C1orf35: variants seen among roughly 807,000 people sequenced by gnomAD.
C1orf35 encodes multiple myeloma tumor-associated protein 2.
Under a neutral mutation model 30.9 loss-of-function variants are expected in C1orf35, and 36 were observed. The ratio of observed to expected loss-of-function variants is 1.16; its 90% CI spans 0.89 to 1.54. The LOEUF (loss-of-function observed/expected upper bound fraction) is 1.54. C1orf35 is among the 40% of genes most tolerant of loss of function. C1orf35 has a pLI of 0.00. For synonymous variants in C1orf35, 179 were observed against 148.2 expected, an observed-to-expected ratio of 1.21 and a Z score of -1.51; for missense variants, 396 against 358.7, an observed-to-expected ratio of 1.10 and a Z score of -0.84.
At chr1:228,102,608 C>G (rs947959471) in intron 3 of C1orf35, 35 bp downstream of exon 3, 4 of 1,587,372 alleles carry the variant, frequency 2.5e-6, no homozygotes, top group Non-Finnish European at 3.4e-6. Flanking sequence ...CCCACACCCA[C>G]GGCCCTCCAC....
Position 228,101,551 on chromosome 1 carries a change from G to A in C1orf35, c.534-78C>T, listed in dbSNP as rs139802675. 1.4e-3 allele frequency: 2,221 copies of A among 1,578,174 alleles called. 5 individuals are homozygous for A. In the Middle Eastern group the frequency reaches 0.014, roughly 10 times the overall value. The stretch of plus-strand genomic sequence containing the variant: ...AGTGAACACAAGCAGGCCCCATCCA[G>A]ATGAAGCCACCACCCACAAGTGCGT... On this transcript the variant is annotated intron_variant, in intron 6 of 7. Transcript: ENST00000272139.
At position 228,101,062 on chromosome 1, in the gene C1orf35, GAGGC is replaced by G; in HGVS notation, c.*65_*68del. 6.3e-7 allele frequency: 1 copy of G among 1,594,260 alleles called. No homozygotes were observed. Among genetic ancestry groups the G allele is most frequent in the South Asian group, 1.1e-5 (1 of 90,492 alleles). On this transcript the variant is annotated 3_prime_UTR_variant, in exon 8 of 8. Transcript: ENST00000272139. The stretch of plus-strand genomic sequence containing the variant: ...CTTCACCCACACCCAAGGAGCTTCC[GAGGC>G]AGGAGGCAAGCAAGGTGAAGGGAGG...
chr1:228,102,564 C>A lies in C1orf35; in HGVS notation c.292-4G>T. 6.4e-7 allele frequency: 1 copy of A among 1,566,078 alleles called. No individual in the cohort carries two copies. The highest frequency in any genetic ancestry group is 8.6e-7 in the Non-Finnish European group (1 of 1,158,932). On this transcript the variant is annotated splice_region_variant and splice_polypyrimidine_tract_variant and intron_variant, in intron 3 of 7. Transcript: ENST00000272139. ...GCTTGCAGACCTCCGCGAAGTCCTG[C>A]AGGTGCGAGAGCACAGGGAGCGCTC...
intron 5 of C1orf35, 52 bp from the exon 6 acceptor site, chr1:228,102,217 C>T: frequency 6.4e-7 from 1 of 1,559,892 alleles, no homozygotes; most frequent in Non-Finnish European, 8.6e-7. Context: ...CCCCACACCA[C>T]GCCCCGCAGC....
Position 228,103,263 on chromosome 1 carries a change from T to C in C1orf35, c.-36A>G. 1 of 1,602,234 alleles carries C rather than the reference T, an allele frequency of 6.2e-7. No individual in the cohort carries two copies. Among genetic ancestry groups the C allele is most frequent in the Non-Finnish European group, 8.5e-7 (1 of 1,175,730 alleles). ...AGGCAGTTGCCTGGGGCCTGCGGCT[T>C]GCAACCTGCAACCCGCAACCCGAGA... On this transcript the variant is annotated 5_prime_UTR_variant, in exon 1 of 8. Coordinates refer to ENST00000272139, the MANE Select transcript of C1orf35 (RefSeq NM_024319.4).
In C1orf35 at chr1:228,103,192, C is replaced by A; in HGVS notation, c.36G>T (p.Gly12=). 6.2e-7 allele frequency: 1 copy of A among 1,611,852 alleles called. No individual in the cohort carries two copies. ...CGTCCTCCCAGTTGAACTGGTCCTGCCCGCCGCGCACGCCTCCACGACTGG... is the reference window on the plus strand; with the variant it reads ...CGTCCTCCCAGTTGAACTGGTCCTGACCGCCGCGCACGCCTCCACGACTGG... ...FGSSRGGVRG[G]QDQFNWEDVK... The change falls in exon 1 of 8, where the codon GGG becomes GGT. Residue 12 remains glycine (G), a synonymous_variant. Transcript: ENST00000272139.
At position 228,102,483 on chromosome 1, in the gene C1orf35, G is replaced by A; in HGVS notation, c.369C>T (p.Ser123=). The A allele has an allele frequency of 6.4e-7, 1 of 1,558,004 alleles. No individual in the cohort carries two copies. The highest frequency in any genetic ancestry group is 1.2e-5 in the South Asian group (1 of 85,616). ...KGVDRLLGLG[S]ASGSVGRVAM... is the part of the protein sequence containing the mutation. ...CCCTGGAAACCCGCCCGCACCTTGC[G>A]CTCCCCAGCCCCAGCAGCCGGTCCA... The change falls in exon 4 of 8, where the codon AGC becomes AGT. Residue 123 remains serine, a synonymous_variant. Coordinates refer to ENST00000272139, the MANE Select transcript of C1orf35 (RefSeq NM_024319.4).
At chr1:228,103,113 C>T in intron 1 of C1orf35, 21 bp downstream of exon 1, 1 of 1,609,582 alleles carries the variant, frequency 6.2e-7, no homozygotes, top group South Asian at 1.1e-5. Flanking sequence ...AGCCCGGAGC[C>T]CGCCCACCGC....
intron 6 of C1orf35, chr1:228,101,720 T>C: frequency 2.1e-6 from 3 of 1,420,978 alleles, no homozygotes; most frequent in East Asian, 2.6e-5. Flanking sequence ...CCTTGGCAGG[T>C]TGACACCTTC....
Position 228,101,197 on chromosome 1 carries a change from C to G in C1orf35, c.726G>C (p.Lys242Asn). The G allele has an allele frequency of 6.2e-7, 1 of 1,614,186 alleles. No homozygotes were observed. Among genetic ancestry groups the G allele is most frequent in the Non-Finnish European group, 8.5e-7 (1 of 1,180,040 alleles). ...TCCTCCTGTCCCCACTGTGTCCCCGCTTCCTCCTCTTACAGCAGGGGGAGT... is the reference window on the plus strand; with the variant it reads ...TCCTCCTGTCCCCACTGTGTCCCCGGTTCCTCCTCTTACAGCAGGGGGAGT... ...DSNSPCCKRR[K>N]RGHSGDRRSP... Residue 242 changes from lysine (K) to asparagine (N), a missense_variant, in exon 8 of 8, where the codon AAG becomes AAC. Lys to Asn is a moderately conservative substitution (Grantham distance 94). Transcript: ENST00000272139.
At position 228,101,090 on chromosome 1, in the gene C1orf35, G is replaced by A; in HGVS notation, c.*41C>T. On this transcript the variant is annotated 3_prime_UTR_variant, in exon 8 of 8. Transcript: ENST00000272139. ...GCAGGAGGCAAGCAAGGTGAAGGGAGGGTTCAGGGTCCCACAACAGCAGTG... is the reference window on the plus strand; with the variant it reads ...GCAGGAGGCAAGCAAGGTGAAGGGAAGGTTCAGGGTCCCACAACAGCAGTG... The A allele has an allele frequency of 6.2e-7, 1 of 1,607,030 alleles. No individual in the cohort carries two copies. Among genetic ancestry groups the A allele is most frequent in the Non-Finnish European group, 8.5e-7 (1 of 1,179,404 alleles).
At chr1:228,102,416 G>T in intron 4 of C1orf35, 34 bp from the exon 5 acceptor site, 1 of 1,597,516 alleles carries the variant, frequency 6.3e-7, no homozygotes. Flanking sequence ...CAGTACGGCA[G>T]GGGTCCGCCT....
At position 228,101,422 on chromosome 1, in the gene C1orf35, C is replaced by T. The variant is rs750044114; in HGVS notation, c.585G>A (p.Arg195=). The T allele has an allele frequency of 6.1e-5, 99 of 1,613,674 alleles. No individual in the cohort carries two copies. The highest frequency in any genetic ancestry group is 6.4e-5 in the Non-Finnish European group (76 of 1,179,950). The part of the protein sequence containing the change: ...SKKEKKKKKK[R]KHKKEKKKKD... ...TCTTCTTCTTCTCTTTCTTGTGTTTCCTCTTTTTCTTTTTCTTCTTCTCCT... is the reference window on the plus strand; with the variant it reads ...TCTTCTTCTTCTCTTTCTTGTGTTTTCTCTTTTTCTTTTTCTTCTTCTCCT... Residue 195 remains arginine (R), a synonymous_variant, in exon 7 of 8, where the codon AGG becomes AGA. Coordinates refer to ENST00000272139, the MANE Select transcript of C1orf35 (RefSeq NM_024319.4).
intron 1 of C1orf35, 34 bp downstream of exon 1, chr1:228,103,100 C>T (rs1301668204): frequency 6.2e-7 from 1 of 1,608,022 alleles, no homozygotes; most frequent in African/African-American, 1.3e-5. Context: ...TCCCGGAGCC[C>T]GGAGCCCGGA....
chr1:228,103,090 T>A, intron 1 of C1orf35, 41 bp from the exon 2 acceptor site: 1 of 1,607,176 alleles, frequency 6.2e-7, no homozygotes, highest in Non-Finnish European at 8.5e-7. Flanking sequence ...CCGCCCGGGA[T>A]CCCGGAGCCC....
intron 6 of C1orf35, chr1:228,101,808 C>A: frequency 1.4e-6 from 2 of 1,412,468 alleles, no homozygotes; most frequent in East Asian, 2.6e-5. Flanking sequence ...GTGCCACCCA[C>A]GGCAGGAAAA....
Position 228,103,026 on chromosome 1 carries a change from C to T in C1orf35, c.118G>A (p.Gly40Ser). The stretch of plus-strand genomic sequence containing the variant: ...AGGTCGCGGCCCTTCTGCCAGCGGC[C>T]TACCGGCGCCATCAGCGAGTTGCCT... ...YLGNSLMAPV[G>S]RWQKGRDLTW... The change falls in exon 2 of 8, where the codon GGC becomes AGC. Residue 40 changes from glycine (G) to serine (S), a missense_variant. Physicochemically the swap from Gly to Ser is moderately conservative, Grantham distance 56 (BLOSUM62 0). Coordinates refer to ENST00000272139, the MANE Select transcript of C1orf35 (RefSeq NM_024319.4). 1 of 1,589,532 alleles carries T rather than the reference C, an allele frequency of 6.3e-7. No individual in the cohort carries two copies. The highest frequency in any genetic ancestry group is 1.1e-5 in the South Asian group (1 of 88,464).
In C1orf35 at chr1:228,102,937, G is replaced by T. The variant is rs1472842474; in HGVS notation, c.207C>A (p.Ala69=). 1 of 1,509,060 alleles carries T rather than the reference G, an allele frequency of 6.6e-7. No individual in the cohort carries two copies. Among genetic ancestry groups the T allele is most frequent in the African/African-American group, 1.4e-5 (1 of 69,270 alleles). The allele number at this position is 1,509,060 out of a possible 1,614,324, so 93.5% of individuals were successfully genotyped here. The change falls in exon 2 of 8, where the codon GCC becomes GCA. Residue 69 remains alanine, a synonymous_variant. Transcript: ENST00000272139. The stretch of plus-strand genomic sequence containing the variant: ...GCGCCTCGCGCTCCGCCTCCCGCAC[G>T]GCTGCCAGTTCCTCCTCGCGGCTCG... ...AGPSREEELA[A]VREAEREALL...
At chr1:228,101,974 GGCCGGT>G in intron 6 of C1orf35, 100 bp downstream of exon 6, 1 of 1,429,330 alleles carries the variant, frequency 7.0e-7, no homozygotes, top group Non-Finnish European at 9.1e-7. Context: ...CCACCCGCCG[GGCCGGT>G]GCGCCAAGAG....
Sources: gnomAD v4.1 joint callset for allele counts on GRCh38, gnomAD v4.1.1 for gene constraint, MANE v1.5 for transcripts, NCBI Gene and HGNC (gene_info 2026-07-23, HGNC 2026-07-21) for gene names.